Variants in LRP1B observed in about 807,000 individuals in gnomAD.
LRP1B encodes the protein LDL receptor related protein 1B.
Under a neutral mutation model 556.6 loss-of-function variants are expected in LRP1B, and 217 were observed. The ratio of observed to expected loss-of-function variants is 0.39; its 90% CI spans 0.35 to 0.44. The LOEUF is 0.44. Ranked by LOEUF, LRP1B falls within the 20% of genes least tolerant of loss-of-function variation. LRP1B has a pLI of 1.00. For missense variants in LRP1B, 5,053 were observed against 5,620.8 expected (o/e 0.90, Z 3.23); for synonymous variants, 2,047 against 1,865.8 (o/e 1.10, Z -2.50).
chr2:140,240,024 T>C (rs1041842817), intron 87 of LRP1B, among the ~76,000 whole-genome samples: 4 of 150,884 alleles, frequency 2.7e-5, no homozygotes, highest in Non-Finnish European at 4.5e-5. Context: ...AGTGTTTGAT[T>C]TGGATGGAAT....
At chr2:141,422,952 T>C (rs1680194208) in intron 3 of LRP1B, among the ~76,000 whole-genome samples, 1 of 152,184 alleles carries the variant, frequency 6.6e-6, no homozygotes, top group Non-Finnish European at 1.5e-5. Context: ...TTGAATTAAA[T>C]CTGTTAGAGG....
chr2:140,466,907 A>C (rs909152913), intron 60 of LRP1B, among the ~76,000 whole-genome samples: 1 of 152,350 alleles, frequency 6.6e-6, no homozygotes, highest in East Asian at 1.9e-4. Context: ...CAATGGCACA[A>C]GCAACCAAAA....
chr2:141,759,641 T>C (rs1694458938), intron 2 of LRP1B, among the ~76,000 whole-genome samples: 2 of 152,090 alleles, frequency 1.3e-5, no homozygotes, highest in Admixed American at 6.5e-5. Context: ...AGACGTACCA[T>C]GGGAAGTATC....
In LRP1B at chr2:140,296,552, T is replaced by TA. The variant is rs376489335; in HGVS notation, c.12967+1255dup. On this transcript the variant is annotated intron_variant, in intron 84 of 90. Coordinates refer to ENST00000389484, the MANE Select transcript of LRP1B (RefSeq NM_018557.3). ...CAGTCATTAGTATTTGGATGATGTT[T>TA]AAAAAAACACGCAATTGGGTGAATT... Among the ~76,000 whole-genome samples, 1,310 of 152,192 alleles carry TA rather than the reference T, an allele frequency of 8.6e-3. 21 individuals carry two copies. The highest frequency in any genetic ancestry group is 0.03 in the African/African-American group (1,247 of 41,524).
intron 86 of LRP1B, among the ~76,000 whole-genome samples, chr2:140,267,163 A>G (rs747525084): frequency 6.6e-6 from 1 of 152,100 alleles, no homozygotes; most frequent in Non-Finnish European, 1.5e-5. Context: ...CAGAGTATTT[A>G]TTAGGTCAGT....
chr2:141,215,566 G>A (rs1391421168), intron 6 of LRP1B, among the ~76,000 whole-genome samples: 1 of 152,172 alleles, frequency 6.6e-6, no homozygotes, highest in East Asian at 1.9e-4. Flanking sequence ...GTGACCAAAT[G>A]CTGATACTAA....
chr2:140,528,202 G>A (rs774882399), intron 47 of LRP1B, among the ~76,000 whole-genome samples: 2 of 151,888 alleles, frequency 1.3e-5, no homozygotes, highest in East Asian at 1.9e-4. Flanking sequence ...ACGTAATAGC[G>A]TTTTAAAAAC....
intron 43 of LRP1B, among the ~76,000 whole-genome samples, chr2:140,561,526 T>C (rs1680929864): frequency 6.6e-6 from 1 of 152,190 alleles, no homozygotes; most frequent in South Asian, 2.1e-4. Context: ...TTTTCTCTTG[T>C]TAGCCTATCT....
At chr2:140,954,760 G>A (rs564078873) in intron 18 of LRP1B, among the ~76,000 whole-genome samples, 45 of 151,944 alleles carry the variant, frequency 3.0e-4, no homozygotes, top group Non-Finnish European at 4.7e-4. Flanking sequence ...CACATATAAT[G>A]TAAACGTGTG....
intron 84 of LRP1B, among the ~76,000 whole-genome samples, chr2:140,288,070 A>G (rs1683225260): frequency 6.6e-6 from 1 of 151,602 alleles, no homozygotes; most frequent in Non-Finnish European, 1.5e-5. Context: ...CTATACGACC[A>G]TAGAGTAAAT....
chr2:140,549,620 C>T (rs1470413871), intron 43 of LRP1B, among the ~76,000 whole-genome samples: 1 of 152,184 alleles, frequency 6.6e-6, no homozygotes, highest in African/African-American at 2.4e-5. Flanking sequence ...TTTACTGTCA[C>T]TGTTTATGTT....
chr2:141,743,504 T>TTTTTTTTTTTTTTTTTTTC (rs1693794600), intron 2 of LRP1B, among the ~76,000 whole-genome samples: 2 of 79,010 alleles, frequency 2.5e-5, no homozygotes, highest in South Asian at 4.3e-4. Context: ...TTTTTTTCTT[T>TTTTTTTTTTTTTTTTTTTC]TTTTTTTTTT....
chr2:141,665,043 A>AT (rs1690373479), intron 2 of LRP1B, among the ~76,000 whole-genome samples: 1 of 152,190 alleles, frequency 6.6e-6, no homozygotes, highest in South Asian at 2.1e-4. Flanking sequence ...GAACACAGAA[A>AT]TAAGACTGCA....
intron 2 of LRP1B, among the ~76,000 whole-genome samples, chr2:141,535,107 T>C (rs1015522676): frequency 1.4e-4 from 21 of 152,152 alleles, no homozygotes; most frequent in African/African-American, 4.6e-4. Context: ...GTCCATCTTC[T>C]AACAATTATC....
intron 19 of LRP1B, among the ~76,000 whole-genome samples, chr2:140,951,625 C>T (rs145511237): frequency 1.2e-4 from 19 of 152,268 alleles, no homozygotes; most frequent in African/African-American, 1.9e-4. Flanking sequence ...CTATGTCCAA[C>T]ATAACATTTG....
intron 35 of LRP1B, among the ~76,000 whole-genome samples, chr2:140,723,007 C>A (rs1009523644): frequency 6.6e-6 from 1 of 152,138 alleles, no homozygotes; most frequent in African/African-American, 2.4e-5. Context: ...CGCGCCACTG[C>A]ACTCCAGCCT....
At chr2:141,427,973 T>A (rs775041120) in intron 3 of LRP1B, among the ~76,000 whole-genome samples, 27 of 152,142 alleles carry the variant, frequency 1.8e-4, no homozygotes, top group Non-Finnish European at 3.7e-4. Context: ...CTACTAGAAA[T>A]GTTATATTTC....
At chr2:140,653,019 A>T (rs553758246) in intron 41 of LRP1B, among the ~76,000 whole-genome samples, 1 of 152,244 alleles carries the variant, frequency 6.6e-6, no homozygotes, top group Admixed American at 6.5e-5. Flanking sequence ...ACGTTTGAGG[A>T]ATATCTCCAA....
In LRP1B at chr2:141,038,409, G is replaced by C. The variant is rs1698600524; in HGVS notation, c.1789+10577C>G. Among the ~76,000 whole-genome samples, 3 of 152,048 alleles carry C rather than the reference G, an allele frequency of 2.0e-5. No individual in the cohort carries two copies. The South Asian group carries it at 6.2e-4, about 32-fold the overall frequency. On this transcript the variant is annotated intron_variant, in intron 11 of 90. Coordinates refer to ENST00000389484, the MANE Select transcript of LRP1B (RefSeq NM_018557.3). ...TACTACTACCTAGTGTAAGCTGAAAGGATTGGGATTTGACCAAGTTTTGAT... is the reference window on the plus strand; with the variant it reads ...TACTACTACCTAGTGTAAGCTGAAACGATTGGGATTTGACCAAGTTTTGAT...
Sources: gnomAD v4.1 joint callset for allele counts (sites outside exome capture counted in the v4.1 genomes callset) on GRCh38, gnomAD v4.1.1 for gene constraint, MANE v1.5 for transcripts, NCBI Gene and HGNC (gene_info 2026-07-23, HGNC 2026-07-21) for gene names.